The following ANKLE2 variants were observed in gnomAD, a reference collection of about 807,000 sequenced individuals.
The protein encoded by ANKLE2 is ankyrin repeat and LEM domain containing 2.
In ANKLE2, 55 loss-of-function variants were observed where a neutral mutation model predicts 84.2. The ratio of observed to expected loss-of-function variants is 0.65; its 90% CI spans 0.53 to 0.82. The LOEUF (loss-of-function observed/expected upper bound fraction) is 0.82, where lower values mean the gene tolerates loss of function less well. ANKLE2 is among the 40% of genes least tolerant of loss of function. The pLI is 0.00. For missense variants in ANKLE2, 1,238 were observed against 1,201.9 expected (o/e 1.03, Z -0.44); for synonymous variants, 551 against 486.1 (o/e 1.13, Z -1.76).
intron 1 of ANKLE2, 76 bp from the exon 2 acceptor site, chr12:132,755,209 T>G (rs1389334207): frequency 9.9e-6 from 13 of 1,308,668 alleles, no homozygotes; most frequent in Non-Finnish European, 1.4e-5. Flanking sequence ...GTACTAGGGT[T>G]CATTATATAA....
chr12:132,726,931 C>A lies in ANKLE2; in HGVS notation c.*311G>T, dbSNP rs1566005947. ...GGGTAAGTACAGGGCTGCCTGCCTG[C>A]AACTGCCTCAGCGCCCTTTCCTCTG... is the stretch of plus-strand genomic sequence containing the variant. On this transcript the variant is annotated 3_prime_UTR_variant, in exon 13 of 13. Coordinates refer to ENST00000357997, the MANE Select transcript of ANKLE2 (RefSeq NM_015114.3). 5.5e-6 allele frequency: 2 copies of A among 362,260 alleles called. No individual in the cohort carries two copies. Among genetic ancestry groups the A allele is most frequent in the Non-Finnish European group, 1.0e-5 (2 of 199,106 alleles). The allele number at this position is 362,260 out of a possible 1,614,324, so 22.4% of individuals were successfully genotyped here. A position where few individuals can be genotyped will look rare whatever the true frequency, so the allele number is the denominator to read the frequency against.
chr12:132,733,903 A>G (rs1168849721), intron 10 of ANKLE2: 1 of 453,170 alleles, frequency 2.2e-6, no homozygotes, highest in Non-Finnish European at 4.4e-6. Context: ...GATTTTGGAT[A>G]ATGCAAACAC....
chr12:132,750,020 C>G (rs1453515490), intron 3 of ANKLE2, among the ~76,000 whole-genome samples: 1 of 151,764 alleles, frequency 6.6e-6, no homozygotes, highest in Non-Finnish European at 1.5e-5. Flanking sequence ...AGTTTAAATT[C>G]TAGCCTGGCC....
At position 132,737,363 on chromosome 12, in the gene ANKLE2, C is replaced by G. The variant is rs1028986693; in HGVS notation, c.1421-298G>C. ...CCAGGTAGTTAAAGGACTAAGGGGT[C>G]GGACCTGAGTGAATAAGAGTAGCAC... On this transcript the variant is annotated intron_variant, in intron 7 of 12. Transcript: ENST00000357997. 4.5e-5 allele frequency: 14 copies of G among 313,668 alleles called. No homozygotes were observed. The East Asian group carries it at 8.1e-4, about 18-fold the overall frequency. The allele number at this position is 313,668 out of a possible 1,614,324, so 19.4% of individuals were successfully genotyped here.
chr12:132,753,594 T>C lies in ANKLE2; in HGVS notation c.640+1081A>G, dbSNP rs538935433. ...GCTTGGCCAAAATCGCGAAACCTTGTCTCTACTAAAAATACAAAAAATAAA... is the reference window on the plus strand; with the variant it reads ...GCTTGGCCAAAATCGCGAAACCTTGCCTCTACTAAAAATACAAAAAATAAA... On this transcript the variant is annotated intron_variant, in intron 2 of 12. Coordinates refer to ENST00000357997, the MANE Select transcript of ANKLE2 (RefSeq NM_015114.3). Among the ~76,000 whole-genome samples, 3 of 152,002 alleles carry C rather than the reference T, an allele frequency of 2.0e-5. No individual in the cohort carries two copies. In the East Asian group the frequency reaches 5.8e-4, roughly 29 times the overall value.
At chr12:132,735,690 C>T (rs916476874) in intron 8 of ANKLE2, among the ~76,000 whole-genome samples, 178 bp from the exon 9 acceptor site, 9 of 152,192 alleles carry the variant, frequency 5.9e-5, no homozygotes, top group Admixed American at 3.9e-4. Context: ...AGTGGCCGCA[C>T]GGCTGCACTC....
intron 8 of ANKLE2, among the ~76,000 whole-genome samples, chr12:132,736,299 G>T (rs114632618): frequency 5.3e-4 from 81 of 152,352 alleles, no homozygotes; most frequent in African/African-American, 1.9e-3. Context: ...GCACAGGATG[G>T]TGCGTGCAGG....
Position 132,730,272 on chromosome 12 carries a change from T to C in ANKLE2, c.1892-2A>G. The C allele has an allele frequency of 6.4e-7, 1 of 1,552,456 alleles. No homozygotes were observed. The highest frequency in any genetic ancestry group is 2.3e-5 in the East Asian group (1 of 44,314). ...CCCTCACGGAAATGGAATTGCTGCC[T>C]GTGAGGACAACAAGGAGCACTTCAG... On this transcript the variant is annotated splice_acceptor_variant, in intron 10 of 12. Transcript: ENST00000357997. LOFTEE classifies it high-confidence loss of function.
intron 12 of ANKLE2, 41 bp from the exon 13 acceptor site, chr12:132,727,484 GC>G (rs2043724148): frequency 3.9e-6 from 6 of 1,530,656 alleles, no homozygotes; most frequent in Non-Finnish European, 5.3e-6. Context: ...ACGGGCACAG[GC>G]CCGGAGATGA....
intron 3 of ANKLE2, 94 bp downstream of exon 3, chr12:132,750,549 G>A: frequency 7.2e-7 from 1 of 1,393,152 alleles, no homozygotes; most frequent in Non-Finnish European, 1.0e-6. Context: ...CCCTCATGGA[G>A]AAAACAAGTT....
At chr12:132,732,391 G>A (rs1392804794) in intron 10 of ANKLE2, among the ~76,000 whole-genome samples, 16 of 137,648 alleles carry the variant, frequency 1.2e-4, no homozygotes, top group African/African-American at 4.2e-4. Context: ...TCTGCGTGCT[G>A]GTGTCTGATA....
In ANKLE2 at chr12:132,725,939, T is replaced by C. The variant is rs575865067; in HGVS notation, c.*1303A>G. The C allele has an allele frequency of 1.3e-5, 2 of 152,334 alleles. No individual in the cohort carries two copies. The highest frequency in any genetic ancestry group is 2.4e-5 in the African/African-American group (1 of 41,572). The allele number at this position is 152,334 out of a possible 1,614,324, so 9.4% of individuals were successfully genotyped here. A position where few individuals can be genotyped will look rare whatever the true frequency, so the allele number is the denominator to read the frequency against. Reference sequence around the variant, plus strand: ...TCTTGATTCCAATATTCCTGACCTATCTCTTGTCATATGAAAGAAAGAAGC... The same window carrying C: ...TCTTGATTCCAATATTCCTGACCTACCTCTTGTCATATGAAAGAAAGAAGC... On this transcript the variant is annotated 3_prime_UTR_variant, in exon 13 of 13. Coordinates refer to ENST00000357997, the MANE Select transcript of ANKLE2 (RefSeq NM_015114.3).
In ANKLE2 at chr12:132,728,100, G is replaced by C; in HGVS notation, c.2547C>G (p.Pro849=). ...LAALECADVD[P]HQFPAVHRWK... Reference sequence around the variant, plus strand: ...ATCTGTGCACGGCCGGGAACTGATGGGGGTCGACGTCTGCACATTCAAGAG... The same window carrying C: ...ATCTGTGCACGGCCGGGAACTGATGCGGGTCGACGTCTGCACATTCAAGAG... The change falls in exon 12 of 13, where the codon CCC becomes CCG. Residue 849 remains proline (P), a synonymous_variant. Transcript: ENST00000357997. The C allele has an allele frequency of 3.1e-6, 5 of 1,613,016 alleles. No individual in the cohort carries two copies. Among genetic ancestry groups the C allele is most frequent in the Non-Finnish European group, 4.2e-6 (5 of 1,179,958 alleles).
chr12:132,735,807 C>T (rs570993852), intron 8 of ANKLE2, among the ~76,000 whole-genome samples: 15 of 152,330 alleles, frequency 9.8e-5, no homozygotes, highest in African/African-American at 3.4e-4. Flanking sequence ...GGACAGTGGA[C>T]GGCTCGGAGC....
intron 1 of ANKLE2, chr12:132,757,609 T>G (rs992401716): frequency 2.0e-5 from 3 of 152,028 alleles, no homozygotes; most frequent in Admixed American, 1.3e-4. Flanking sequence ...GATCATGAGG[T>G]CAGGAGATTG....
Position 132,728,085 on chromosome 12 carries a change from G to A in ANKLE2, c.2562C>T (p.Ala854=), listed in dbSNP as rs769975497. 6.2e-6 allele frequency: 10 copies of A among 1,612,788 alleles called. No homozygotes were observed. Among genetic ancestry groups the A allele is most frequent in the East Asian group, 2.2e-5 (1 of 44,896 alleles). The change falls in exon 12 of 13, where the codon GCC becomes GCT. Residue 854 remains alanine, a synonymous_variant. Transcript: ENST00000357997. ...GGACAGCACTCTTCCATCTGTGCACGGCCGGGAACTGATGGGGGTCGACGT... is the reference window on the plus strand; with the variant it reads ...GGACAGCACTCTTCCATCTGTGCACAGCCGGGAACTGATGGGGGTCGACGT... ...CADVDPHQFP[A]VHRWKSAVLC...
At position 132,750,748 on chromosome 12, in the gene ANKLE2, T is replaced by G. The variant is rs371243853; in HGVS notation, c.742A>C (p.Lys248Gln). 27 of 1,614,246 alleles carry G rather than the reference T, an allele frequency of 1.7e-5. No individual in the cohort carries two copies. The highest frequency in any genetic ancestry group is 2.0e-5 in the Non-Finnish European group (24 of 1,180,050). ...KAFSTREDAE[K>Q]FARGICDYFP... Reference sequence around the variant, plus strand: ...TAATCACAAATTCCTCTAGCAAATTTCTCAGCGTCTTCTCTGGTAGAAAAA... The same window carrying G: ...TAATCACAAATTCCTCTAGCAAATTGCTCAGCGTCTTCTCTGGTAGAAAAA... The change falls in exon 3 of 13, where the codon AAA becomes CAA. Residue 248 changes from lysine to glutamine, a missense_variant. Transcript: ENST00000357997.
At chr12:132,741,875 G>A (rs1464493413) in intron 6 of ANKLE2, 1 of 462,520 alleles carries the variant, frequency 2.2e-6, no homozygotes, top group East Asian at 6.8e-5. Context: ...TTGTGAGGCT[G>A]GGTCAAGGTG....
chr12:132,729,848 T>C lies in ANKLE2; in HGVS notation c.2314A>G (p.Arg772Gly), dbSNP rs373826499. The C allele has an allele frequency of 1.2e-6, 2 of 1,613,530 alleles. No homozygotes were observed. Among genetic ancestry groups the C allele is most frequent in the South Asian group, 1.1e-5 (1 of 91,074 alleles). The change falls in exon 11 of 13, where the codon AGA becomes GGA. Residue 772 changes from arginine (R) to glycine (G), a missense_variant. This residue lies in a region of ANKLE2 where 802 missense variants were observed against 774.5 expected (regional missense o/e 1.04). Transcript: ENST00000357997. ...ILTSRINAVE[R>G]DLLEPSPADQ... ...GCGGGAGAAGGCTCTAACAAGTCTC[T>C]TTCTACTGCATTGATTCTTGAAGTC...
Sources: allele counts gnomAD v4.1 joint callset (sites outside exome capture counted in the v4.1 genomes callset), GRCh38; gene constraint gnomAD v4.1.1; regional missense constraint gnomAD v4.1.1; transcripts MANE v1.5; gene names NCBI Gene and HGNC (gene_info 2026-07-23, HGNC 2026-07-21).